Variants in CNTLN observed in about 807,000 individuals in gnomAD.
The protein encoded by CNTLN is centlein.
A neutral mutation model predicts 180.0 loss-of-function variants in CNTLN; 212 were observed. The ratio of observed to expected loss-of-function variants is 1.18; its 90% CI spans 1.05 to 1.32. CNTLN has a LOEUF of 1.32. CNTLN is among the 40% of genes most tolerant of loss of function. CNTLN has a pLI of 0.00. For missense variants in CNTLN, 2,095 were observed against 1,610.9 expected, an observed-to-expected ratio of 1.30 and a Z score of -5.14; for synonymous variants, 722 against 563.1, an observed-to-expected ratio of 1.28 and a Z score of -3.99.
rs557320843 is a variant in CNTLN at position 17,285,141 on chromosome 9, C to G, written c.983+11275C>G. Among the ~76,000 whole-genome samples, 6 of 142,568 alleles carry G rather than the reference C, an allele frequency of 4.2e-5. No homozygotes were observed. The East Asian group carries it at 1.3e-3, about 31-fold the overall frequency. The allele number at this position is 142,568 out of a possible 152,430, so 93.5% of individuals were successfully genotyped here. Reference sequence around the variant, plus strand: ...CTAGCATTAGGTGTATCTCCCAATGCTATCCCTCCCCCCTCCCCCCACCCC... The same window carrying G: ...CTAGCATTAGGTGTATCTCCCAATGGTATCCCTCCCCCCTCCCCCCACCCC... On this transcript the variant is annotated intron_variant, in intron 6 of 25. Coordinates refer to ENST00000380647, the MANE Select transcript of CNTLN (RefSeq NM_017738.4).
At chr9:17,408,334 C>T (rs937125494) in intron 15 of CNTLN, among the ~76,000 whole-genome samples, 1 of 151,970 alleles carries the variant, frequency 6.6e-6, no homozygotes, top group Non-Finnish European at 1.5e-5. Context: ...CTGTCTCCTA[C>T]CCTTGTTTAT....
the CNTLN span, among the ~76,000 whole-genome samples, chr9:17,508,990 C>T: frequency 0.011 from 1,678 of 152,240 alleles, 21 homozygotes; most frequent in African/African-American, 0.038. Context: ...AAAGGGTGAC[C>T]TCAGCGAGGA....
Position 17,226,217 on chromosome 9 carries a change from C to G in CNTLN, c.464C>G (p.Ser155Cys), listed in dbSNP as rs1239956186. The G allele has an allele frequency of 1.9e-6, 3 of 1,564,446 alleles. No homozygotes were observed. Among genetic ancestry groups the G allele is most frequent in the Non-Finnish European group, 2.6e-6 (3 of 1,155,114 alleles). Residue 155 changes from serine (S) to cysteine (C), a missense_variant, in exon 3 of 26, where the codon TCT becomes TGT. Physicochemically the swap from Ser to Cys is moderately radical, Grantham distance 112. Transcript: ENST00000380647. ...TTTATATCTAGAGAAAAACAGAAAT[C>G]TGAAGCTAAAGACAGAAAAGTTCTA... ...SLVVEREKQK[S>C]EAKDRKVLEI... is the part of the protein sequence containing the mutation.
intron 16 of CNTLN, among the ~76,000 whole-genome samples, chr9:17,414,595 A>C (rs1242668520): frequency 6.6e-6 from 1 of 152,212 alleles, no homozygotes. Flanking sequence ...TTGAGAAATG[A>C]AACATTGTTA....
chr9:17,257,197 A>G (rs1013715867), intron 5 of CNTLN, among the ~76,000 whole-genome samples: 11 of 151,874 alleles, frequency 7.2e-5, no homozygotes, highest in East Asian at 5.8e-4. Context: ...TCATTGTTCA[A>G]TTCCCACCTA....
chr9:17,332,436 G>A lies in CNTLN; in HGVS notation c.1519-169G>A, dbSNP rs544556746. Among the ~76,000 whole-genome samples, 25 of 151,860 alleles carry A rather than the reference G, an allele frequency of 1.6e-4. No individual in the cohort carries two copies. The South Asian group carries it at 4.6e-3, about 28-fold the overall frequency. ...AACGAGTCACAGAGAAACCTTTAGCGGTAGCACTGTGGTAATTCCGCTTGT... is the reference window on the plus strand; with the variant it reads ...AACGAGTCACAGAGAAACCTTTAGCAGTAGCACTGTGGTAATTCCGCTTGT... On this transcript the variant is annotated intron_variant, in intron 9 of 25. Coordinates refer to ENST00000380647, the MANE Select transcript of CNTLN (RefSeq NM_017738.4).
intron 5 of CNTLN, among the ~76,000 whole-genome samples, chr9:17,240,979 C>T (rs573200921): frequency 6.6e-6 from 1 of 152,310 alleles, no homozygotes; most frequent in East Asian, 1.9e-4. Context: ...CTGCCTCAGC[C>T]TCCCGAGGAG....
intron 5 of CNTLN, among the ~76,000 whole-genome samples, chr9:17,238,931 C>T (rs1260423144): frequency 3.3e-5 from 5 of 152,166 alleles, no homozygotes; most frequent in Admixed American, 6.5e-5. Context: ...TACATTCAGA[C>T]ACTTTGAGGA....
intron 6 of CNTLN, among the ~76,000 whole-genome samples, chr9:17,294,417 G>C (rs1254492132): frequency 8.8e-6 from 1 of 113,212 alleles, no homozygotes; most frequent in Non-Finnish European, 1.8e-5. Flanking sequence ...AGACACAAAA[G>C]TTCTCCAAGT....
intron 2 of CNTLN, among the ~76,000 whole-genome samples, chr9:17,219,553 A>G (rs1278500803): frequency 2.6e-5 from 4 of 152,090 alleles, no homozygotes; most frequent in Non-Finnish European, 5.9e-5. Context: ...GTTTTTGGTT[A>G]TAAGATATAC....
At chr9:17,407,839 A>G (rs1827511263) in intron 15 of CNTLN, among the ~76,000 whole-genome samples, 1 of 152,068 alleles carries the variant, frequency 6.6e-6, no homozygotes, top group South Asian at 2.1e-4. Context: ...AAGACTGACC[A>G]GGGAGGCTGG....
intron 8 of CNTLN, among the ~76,000 whole-genome samples, chr9:17,318,088 C>G (rs1365029020): frequency 6.7e-6 from 1 of 150,062 alleles, no homozygotes; most frequent in African/African-American, 2.5e-5. Flanking sequence ...AGTCCAGTGG[C>G]ATAATCTCAG....
At chr9:17,342,583 C>G (rs1821570922) in intron 12 of CNTLN, 139 bp downstream of exon 12, 2 of 746,068 alleles carry the variant, frequency 2.7e-6, no homozygotes, top group Non-Finnish European at 4.2e-6. Context: ...GAAAAAAAGA[C>G]TAGCTTTTAA....
At chr9:17,352,421 T>A (rs1404483010) in intron 12 of CNTLN, among the ~76,000 whole-genome samples, 5 of 137,262 alleles carry the variant, frequency 3.6e-5, no homozygotes, top group African/African-American at 5.7e-5. Context: ...TATATATTTT[T>A]TTTTTTTTTG....
At chr9:17,480,255 C>T (rs1832572720) in intron 23 of CNTLN, among the ~76,000 whole-genome samples, 1 of 151,594 alleles carries the variant, frequency 6.6e-6, no homozygotes, top group Non-Finnish European at 1.5e-5. Flanking sequence ...GCTCTTCCCC[C>T]AACATCCAAA....
At chr9:17,195,670 G>A (rs1329469110) in intron 2 of CNTLN, among the ~76,000 whole-genome samples, 1 of 152,150 alleles carries the variant, frequency 6.6e-6, no homozygotes, top group African/African-American at 2.4e-5. Flanking sequence ...CCTGGAGAGA[G>A]AATCGGGAAG....
intron 2 of CNTLN, among the ~76,000 whole-genome samples, chr9:17,202,646 GTTTTTTTTTT>G (rs57960408): frequency 3.1e-4 from 22 of 71,472 alleles, no homozygotes; most frequent in South Asian, 2.4e-3. Context: ...TGCAACCTCT[GTTTTTTTTTT>G]TTTTTTTTTT....
chr9:17,492,265 TTTTCTTTC>T (rs140003186), intron 25 of CNTLN, among the ~76,000 whole-genome samples: 11 of 151,988 alleles, frequency 7.2e-5, no homozygotes, highest in Middle Eastern at 3.4e-3. Flanking sequence ...TGTAATTCCT[TTTTCTTTC>T]TTTCTTTCTT....
At chr9:17,305,779 C>T (rs1455014621) in intron 7 of CNTLN, among the ~76,000 whole-genome samples, 1 of 152,166 alleles carries the variant, frequency 6.6e-6, no homozygotes, top group Non-Finnish European at 1.5e-5. Flanking sequence ...ATCTTTGCTT[C>T]CTGTACTCTA....
Sources: allele counts gnomAD v4.1 joint callset (sites outside exome capture counted in the v4.1 genomes callset), GRCh38; gene constraint gnomAD v4.1.1; transcripts MANE v1.5; gene names NCBI Gene and HGNC (gene_info 2026-07-23, HGNC 2026-07-21).